CBR3: variants seen among roughly 807,000 people sequenced by gnomAD.
The protein encoded by CBR3 is carbonyl reductase [NADPH] 3.
A neutral mutation model predicts 11.6 loss-of-function variants in CBR3; 14 were observed. The ratio of observed to expected loss-of-function variants is 1.20; its 90% CI spans 0.79 to 1.88. The LOEUF (loss-of-function observed/expected upper bound fraction) is 1.88. Ranked by LOEUF, CBR3 falls within the 40% of genes most tolerant of loss-of-function variation. The pLI, the probability that CBR3 is intolerant of heterozygous loss-of-function variation, is 0.00. For missense variants in CBR3, 308 were observed against 357.3 expected, an observed-to-expected ratio of 0.86 and a Z score of 1.11; for synonymous variants, 125 against 145.6, an observed-to-expected ratio of 0.86 and a Z score of 1.02.
intron 2 of CBR3, chr21:36,138,734 T>A (rs1011734002): frequency 6.6e-6 from 1 of 151,416 alleles, no homozygotes; most frequent in Non-Finnish European, 1.5e-5. Flanking sequence ...CTTTTCTTTT[T>A]TTTTCTTTTC....
At chr21:36,143,252 G>C (rs2065727732) in intron 2 of CBR3, among the ~76,000 whole-genome samples, 1 of 151,752 alleles carries the variant, frequency 6.6e-6, no homozygotes, top group South Asian at 2.1e-4. Flanking sequence ...GCAGTGAGCT[G>C]AGATCGCGCC....
Position 36,135,216 on chromosome 21 carries a change from G to A in CBR3, c.24G>A (p.Ala8=), listed in dbSNP as rs760530968. 6.6e-7 allele frequency: 1 copy of A among 1,520,830 alleles called. No homozygotes were observed. The highest frequency in any genetic ancestry group is 1.4e-5 in the African/African-American group (1 of 72,018). The allele number at this position is 1,520,830 out of a possible 1,614,324, so 94.2% of individuals were successfully genotyped here. A position where few individuals can be genotyped will look rare whatever the true frequency, so the allele number is the denominator to read the frequency against. The change falls in exon 1 of 3, where the codon GCG becomes GCA. Residue 8 remains alanine (A), a synonymous_variant. Coordinates refer to ENST00000290354, the MANE Select transcript of CBR3 (RefSeq NM_001236.4). The part of the protein sequence containing the change: MSSCSRV[A]LVTGANRGIG... ...CCATGTCGTCCTGCAGCCGCGTGGC[G>A]CTGGTGACCGGGGCCAACAGGGGCA... is the stretch of plus-strand genomic sequence containing the variant.
intron 2 of CBR3, chr21:36,145,109 A>G (rs554639429): frequency 1.3e-5 from 2 of 152,332 alleles, no homozygotes; most frequent in African/African-American, 4.8e-5. Flanking sequence ...GTCTTAAAAA[A>G]TAAATAAATA....
rs1178432675 is a variant in CBR3 at position 36,143,543 on chromosome 21, CAT to C, written c.398-2531_398-2530del. On this transcript the variant is annotated intron_variant, in intron 2 of 2. Coordinates refer to ENST00000290354, the MANE Select transcript of CBR3 (RefSeq NM_001236.4). ...ATCATGATCAACATGAATATTAATT[CAT>C]AATTTAATGAATATTAATATTATCA... Among the ~76,000 whole-genome samples, 3 of 152,056 alleles carry C rather than the reference CAT, an allele frequency of 2.0e-5. No homozygotes were observed. The East Asian group carries it at 5.8e-4, about 29-fold the overall frequency.
chr21:36,137,025 CTCAAAAA>C (rs1568978274), intron 1 of CBR3: 1 of 45,342 alleles, frequency 2.2e-5, no homozygotes, highest in East Asian at 5.6e-4. Flanking sequence ...GAGACTCTGC[CTCAAAAA>C]AAAAAAAAAA....
At chr21:36,136,136 G>T (rs965438102) in intron 1 of CBR3, among the ~76,000 whole-genome samples, 2 of 152,154 alleles carry the variant, frequency 1.3e-5, no homozygotes, top group East Asian at 1.9e-4. Flanking sequence ...GGGATCAAGA[G>T]ATTGCTTATT....
At chr21:36,142,880 G>A (rs2065724296) in intron 2 of CBR3, among the ~76,000 whole-genome samples, 1 of 152,166 alleles carries the variant, frequency 6.6e-6, no homozygotes, top group African/African-American at 2.4e-5. Flanking sequence ...CTAGGTACCT[G>A]GGGGGATGAG....
rs1438151138 is a variant in CBR3, at chr21:36,135,429, G to A, written c.237G>A (p.Lys79=). The change falls in exon 1 of 3, where the codon AAG becomes AAA. Residue 79 remains lysine (K), a synonymous_variant. Transcript: ENST00000290354. ...GCGCCCTGCGCGACTTCCTGCGCAA[G>A]GAGTACGGGGGGCTCAACGTACTGG... ...SIRALRDFLR[K]EYGGLNVLVN... 1.2e-6 allele frequency: 2 copies of A among 1,613,516 alleles called. No individual in the cohort carries two copies. Among genetic ancestry groups the A allele is most frequent in the East Asian group, 2.2e-5 (1 of 44,868 alleles).
At chr21:36,139,362 T>G (rs1163321224) in intron 2 of CBR3, among the ~76,000 whole-genome samples, 2 of 149,834 alleles carry the variant, frequency 1.3e-5, no homozygotes, top group Non-Finnish European at 3.0e-5. Flanking sequence ...TGGTTTTTAT[T>G]AAAAATGTGC....
intron 2 of CBR3, among the ~76,000 whole-genome samples, chr21:36,141,018 AAAAAAAAAG>A: frequency 6.7e-6 from 1 of 149,050 alleles, no homozygotes; most frequent in Admixed American, 6.8e-5. Flanking sequence ...AAAAAAAAAA[AAAAAAAAAG>A]AAAGAAAGAA....
At chr21:36,137,452 G>T (rs2065668071) in intron 1 of CBR3, 1 of 184,232 alleles carries the variant, frequency 5.4e-6, no homozygotes, top group South Asian at 1.0e-4. Flanking sequence ...CTCCAGCCTG[G>T]GTGACAGAGG....
chr21:36,141,354 A>G (rs1371043955), intron 2 of CBR3: 1 of 152,094 alleles, frequency 6.6e-6, no homozygotes, highest in Non-Finnish European at 1.5e-5. Flanking sequence ...CGCTTACATT[A>G]GCCTATAGTC....
intron 1 of CBR3, among the ~76,000 whole-genome samples, chr21:36,136,650 G>A (rs942970203): frequency 3.9e-5 from 6 of 152,090 alleles, no homozygotes; most frequent in African/African-American, 1.4e-4. Flanking sequence ...TTCAAGGTAT[G>A]GGGAATGGAC....
chr21:36,139,575 C>T (rs940801668), intron 2 of CBR3, among the ~76,000 whole-genome samples: 2 of 151,588 alleles, frequency 1.3e-5, no homozygotes, highest in East Asian at 3.9e-4. Flanking sequence ...AGAGACAGGG[C>T]TTTGCCATGT....
chr21:36,139,881 C>CT (rs10689993), intron 2 of CBR3, among the ~76,000 whole-genome samples: 8,974 of 89,600 alleles, frequency 0.1, 908 homozygotes, highest in African/African-American at 0.19. Context: ...GATGCAAAAC[C>CT]TTTTTTTTTT....
rs45486095 is a variant in CBR3, at chr21:36,139,526, C to T, written c.397+1594C>T. On this transcript the variant is annotated intron_variant, in intron 2 of 2. Transcript: ENST00000290354. ...CCTCCTGAGTAGCTGGGACTACAGG[C>T]GTGTGCCGCTACGCCCGGCTAATTT... 4.8e-3 allele frequency among the ~76,000 whole-genome samples: 730 copies of T among 151,824 alleles called. 9 individuals are homozygous for T. The highest frequency in any genetic ancestry group is 0.017 in the African/African-American group (694 of 41,434).
Position 36,137,912 on chromosome 21 carries a change from T to C in CBR3, c.377T>C (p.Leu126Pro), listed in dbSNP as rs756019625. 1.2e-6 allele frequency: 2 copies of C among 1,604,604 alleles called. No homozygotes were observed. The highest frequency in any genetic ancestry group is 2.2e-5 in the South Asian group (2 of 90,870). The change falls in exon 2 of 3, where the codon CTG becomes CCG. Residue 126 changes from leucine (L) to proline (P), a missense_variant. By Grantham distance (98) the Leu-to-Pro change is moderately conservative. Coordinates refer to ENST00000290354, the MANE Select transcript of CBR3 (RefSeq NM_001236.4). ...ACTAGAAACATGTGCAACGAGTTAC[T>C]GCCGATAATGAAACCTCATGGTAAG... ...FATRNMCNEL[L>P]PIMKPHGRVV...
At chr21:36,141,023 A>G (rs569968676) in intron 2 of CBR3, among the ~76,000 whole-genome samples, 76 of 140,590 alleles carry the variant, frequency 5.4e-4, no homozygotes, top group South Asian at 4.9e-3. Flanking sequence ...AAAAAAAAAA[A>G]AAAGAAAGAA....
At chr21:36,136,746 C>T (rs2065662854) in intron 1 of CBR3, among the ~76,000 whole-genome samples, 1 of 151,590 alleles carries the variant, frequency 6.6e-6, no homozygotes, top group Admixed American at 6.6e-5. Flanking sequence ...TCTGCGTTTC[C>T]GCTGGGCGCG....
Sources: gnomAD v4.1 joint callset for allele counts (sites outside exome capture counted in the v4.1 genomes callset) on GRCh38, gnomAD v4.1.1 for gene constraint, MANE v1.5 for transcripts, NCBI Gene and HGNC (gene_info 2026-07-23, HGNC 2026-07-21) for gene names.